The following C16orf96 variants were observed in gnomAD, a reference collection of about 807,000 sequenced individuals.
The protein encoded by C16orf96 is chromosome 16 open reading frame 96, also known as uncharacterized protein C16orf96.
A neutral mutation model predicts 103.6 loss-of-function variants in C16orf96; 108 were observed. The observed-to-expected ratio is 1.04, with a 90% CI of 0.89 to 1.22. C16orf96 has a LOEUF of 1.22. Ranked by LOEUF, C16orf96 falls within the 50% of genes most tolerant of loss-of-function variation. C16orf96 has a pLI of 0.00. For synonymous variants in C16orf96, 566 were observed against 593.5 expected (o/e 0.95, Z 0.67); for missense variants, 1,586 against 1,464.2 (o/e 1.08, Z -1.36).
intron 5 of C16orf96, among the ~76,000 whole-genome samples, chr16:4,577,827 G>A (rs1436605516): frequency 1.3e-5 from 2 of 152,248 alleles, no homozygotes; most frequent in African/African-American, 4.8e-5. Flanking sequence ...TTGATAGTGC[G>A]CGCCTGTAAT....
In C16orf96 at chr16:4,599,165, G is replaced by A. The variant is rs1410739764; in HGVS notation, c.3128-119G>A. On this transcript the variant is annotated intron_variant, in intron 14 of 15. Coordinates refer to ENST00000444310, the MANE Select transcript of C16orf96 (RefSeq NM_001145011.2). ...TGATTATCCCATAAAGGAATGGACC[G>A]GGGAGCCTGGGAAATGGGGTTGGTC... is the stretch of plus-strand genomic sequence containing the variant. The A allele has an allele frequency of 2.4e-5, 19 of 791,590 alleles. No individual in the cohort carries two copies. The East Asian group carries it at 2.4e-4, about 10-fold the overall frequency. 49.0% of individuals were successfully genotyped at this position (791,590 alleles called of 1,614,324 possible).
At chr16:4,572,306 C>CTTTCTT (rs564485218) in intron 2 of C16orf96, among the ~76,000 whole-genome samples, 2 of 131,706 alleles carry the variant, frequency 1.5e-5, no homozygotes, top group Non-Finnish European at 3.1e-5. Flanking sequence ...ACTTATATTT[C>CTTTCTT]TTTTTTTTTT....
intron 7 of C16orf96, among the ~76,000 whole-genome samples, chr16:4,586,452 T>G (rs1896930652): frequency 6.6e-6 from 1 of 152,208 alleles, no homozygotes; most frequent in South Asian, 2.1e-4. Flanking sequence ...GAAGCCTGTT[T>G]GCAGCTTTGC....
chr16:4,575,503 G>A lies in C16orf96; in HGVS notation c.1023G>A (p.Gly341=), dbSNP rs919868689. 7.1e-6 allele frequency: 11 copies of A among 1,546,874 alleles called. No individual in the cohort carries two copies. Among genetic ancestry groups the A allele is most frequent in the Non-Finnish European group, 9.6e-6 (11 of 1,146,606 alleles). ...AACCTGTGCCAGGACTGGAGCTGGG[G>A]CTGGAGCTGGAGCCTGTGCCTGCCC... ...GTEPVPGLEL[G]LELEPVPALG... The change falls in exon 5 of 16, where the codon GGG becomes GGA. Residue 341 remains glycine, a synonymous_variant. Transcript: ENST00000444310.
At chr16:4,545,579 C>T in the C16orf96 span, among the ~76,000 whole-genome samples, 11 of 152,266 alleles carry the variant, frequency 7.2e-5, no homozygotes, top group South Asian at 2.1e-4. Context: ...CCCCATCATC[C>T]TCCAGGTGAT....
At chr16:4,586,276 A>G (rs1166799676) in intron 7 of C16orf96, among the ~76,000 whole-genome samples, 1 of 152,072 alleles carries the variant, frequency 6.6e-6, no homozygotes, top group Non-Finnish European at 1.5e-5. Flanking sequence ...ACAAAACAAA[A>G]CATGTTAAAG....
chr16:4,552,630 T>C (rs2059235204), upstream of C16orf96, among the ~76,000 whole-genome samples: 1 of 152,202 alleles, frequency 6.6e-6, no homozygotes, highest in South Asian at 2.1e-4. Flanking sequence ...CTATGAGTAG[T>C]GCTGTCACAA....
At chr16:4,539,758 C>CA in the C16orf96 span, among the ~76,000 whole-genome samples, 1 of 152,098 alleles carries the variant, frequency 6.6e-6, no homozygotes, top group African/African-American at 2.4e-5. Context: ...TAAACCTCCC[C>CA]AGTTGATCCT....
intron 8 of C16orf96, 101 bp downstream of exon 8, chr16:4,587,214 C>G: frequency 1.7e-6 from 2 of 1,154,540 alleles, no homozygotes; most frequent in Non-Finnish European, 2.5e-6. Context: ...ATTTCCCTCC[C>G]CCTTTGTTCA....
Position 4,591,743 on chromosome 16 carries a change from G to A in C16orf96, c.2670G>A (p.Glu890=), listed in dbSNP as rs1398249286. The part of the protein sequence containing the change: ...VWKIVRKLLI[E]GLRLDPDSAA... ...AAATCGTCCGGAAGCTGCTGATTGAGGGCTTAAGACTGGATCCTGACAGTG... is the reference window on the plus strand; with the variant it reads ...AAATCGTCCGGAAGCTGCTGATTGAAGGCTTAAGACTGGATCCTGACAGTG... Residue 890 remains glutamate, a synonymous_variant, in exon 10 of 16, where the codon GAG becomes GAA. Coordinates refer to ENST00000444310, the MANE Select transcript of C16orf96 (RefSeq NM_001145011.2). 6.4e-7 allele frequency: 1 copy of A among 1,551,704 alleles called. No homozygotes were observed. The highest frequency in any genetic ancestry group is 2.4e-5 in the East Asian group (1 of 40,928).
rs1897131453 is a variant in C16orf96 at position 4,594,620 on chromosome 16, G to A, written c.3028-84G>A. On this transcript the variant is annotated intron_variant, in intron 13 of 15. Transcript: ENST00000444310. ...GCAACCCCAGCAGAGGCTGCACTCT[G>A]TCTCCTGGGCTTCTGCGTGTACCAA... 25 of 1,538,230 alleles carry A rather than the reference G, an allele frequency of 1.6e-5. No homozygotes were observed. The South Asian group carries it at 2.5e-4, about 15-fold the overall frequency.
Position 4,593,439 on chromosome 16 carries a change from G to A in C16orf96, c.2867+123G>A. On this transcript the variant is annotated intron_variant, in intron 12 of 15. Coordinates refer to ENST00000444310, the MANE Select transcript of C16orf96 (RefSeq NM_001145011.2). The surrounding 1 kb of genome is among the most constrained non-coding windows in gnomAD (Gnocchi z 4.2). ...AGGGACCTAAGATTGTCCTGGACAT[G>A]GCCAGCCCTTCGCAAGACAGGCACT... The A allele has an allele frequency of 2.0e-6, 2 of 988,940 alleles. No individual in the cohort carries two copies. The highest frequency in any genetic ancestry group is 3.0e-5 in the South Asian group (2 of 67,446). The allele number at this position is 988,940 out of a possible 1,614,324, so 61.3% of individuals were successfully genotyped here. A position where few individuals can be genotyped will look rare whatever the true frequency, so the allele number is the denominator to read the frequency against.
chr16:4,547,689 C>CTTCCTTCCTTCCTTCT, the C16orf96 span, among the ~76,000 whole-genome samples: 237 of 22,470 alleles, frequency 0.011, 2 homozygotes, highest in African/African-American at 0.023. Flanking sequence ...TCCTTCCTTC[C>CTTCCTTCCTTCCTTCT]TTCTTTCTTT....
upstream of C16orf96, among the ~76,000 whole-genome samples, chr16:4,552,481 CAAAAAAA>C (rs58618088): frequency 0.053 from 3,573 of 67,918 alleles, 161 homozygotes; most frequent in African/African-American, 0.13. Context: ...GACTCTGTCT[CAAAAAAA>C]AAAAAAAAAA....
At chr16:4,583,924 CAAAAAAAA>C (rs58974530) in intron 7 of C16orf96, among the ~76,000 whole-genome samples, 4 of 78,130 alleles carry the variant, frequency 5.1e-5, no homozygotes, top group African/African-American at 1.9e-4. Context: ...GACTGTATCT[CAAAAAAAA>C]AAAAAAAAAA....
intron 14 of C16orf96, among the ~76,000 whole-genome samples, chr16:4,596,479 C>T (rs767653863): frequency 5.2e-3 from 518 of 99,452 alleles, no homozygotes; most frequent in Non-Finnish European, 8.0e-3. Flanking sequence ...AGCGAGACTT[C>T]GTCTCAAAAA....
intron 2 of C16orf96, 111 bp downstream of exon 2, chr16:4,571,776 G>A: frequency 5.3e-6 from 5 of 941,300 alleles, no homozygotes; most frequent in Non-Finnish European, 8.0e-6. Context: ...GTGCAGCTGT[G>A]AGGGTGTGGT....
chr16:4,581,601 C>T (rs1282878631), intron 7 of C16orf96, among the ~76,000 whole-genome samples: 2 of 151,966 alleles, frequency 1.3e-5, no homozygotes, highest in Admixed American at 6.6e-5. Flanking sequence ...CCACTGCACT[C>T]CAGCCTGGGC....
chr16:4,589,698 T>TG (rs1897012448), intron 9 of C16orf96, among the ~76,000 whole-genome samples: 2 of 152,172 alleles, frequency 1.3e-5, no homozygotes, highest in Non-Finnish European at 2.9e-5. Context: ...ACAAATGGGC[T>TG]GGAGATGACA....
Sources: allele counts gnomAD v4.1 joint callset (sites outside exome capture counted in the v4.1 genomes callset), GRCh38; gene constraint gnomAD v4.1.1; non-coding constraint Gnocchi (gnomAD v3.1); transcripts MANE v1.5; gene names NCBI Gene and HGNC (gene_info 2026-07-23, HGNC 2026-07-21).